The following UNC5C variants were observed in gnomAD, a reference collection of about 807,000 sequenced individuals.
The protein encoded by UNC5C is unc-5 netrin receptor C.
UNC5C carries 47 observed loss-of-function variants against 99.8 expected under a neutral mutation model. The observed-to-expected ratio is 0.47, with a 90% confidence interval of 0.37 to 0.60. The LOEUF (loss-of-function observed/expected upper bound fraction) is 0.60, where lower values mean the gene tolerates loss of function less well. Ranked by LOEUF, UNC5C falls within the 20% of genes least tolerant of loss-of-function variation. The pLI is 0.00. For synonymous variants in UNC5C, 487 were observed against 452.2 expected, an observed-to-expected ratio of 1.08 and a Z score of -0.98; for missense variants, 1,062 against 1,165.9, an observed-to-expected ratio of 0.91 and a Z score of 1.30.
At chr4:95,406,650 C>T (rs1745839308) in intron 1 of UNC5C, among the ~76,000 whole-genome samples, 1 of 152,138 alleles carries the variant, frequency 6.6e-6, no homozygotes, top group African/African-American at 2.4e-5. Context: ...TCCCTTAAGC[C>T]ACTCTACTTC....
At chr4:95,479,119 A>G (rs1721056121) in intron 1 of UNC5C, among the ~76,000 whole-genome samples, 1 of 152,058 alleles carries the variant, frequency 6.6e-6, no homozygotes, top group Non-Finnish European at 1.5e-5. Context: ...TCCTTTATGG[A>G]AAAACAAAGC....
At chr4:95,438,304 A>T (rs1245379518) in intron 1 of UNC5C, among the ~76,000 whole-genome samples, 1 of 152,074 alleles carries the variant, frequency 6.6e-6, no homozygotes, top group Non-Finnish European at 1.5e-5. Flanking sequence ...ATTAAAACAA[A>T]GCTCCCAAAT....
intron 6 of UNC5C, among the ~76,000 whole-genome samples, chr4:95,244,584 T>A (rs1739434437): frequency 6.6e-6 from 1 of 152,160 alleles, no homozygotes; most frequent in Non-Finnish European, 1.5e-5. Flanking sequence ...ATCTAAAACA[T>A]TTTCTAAATT....
At chr4:95,298,209 G>A (rs1741733488) in intron 3 of UNC5C, among the ~76,000 whole-genome samples, 1 of 152,170 alleles carries the variant, frequency 6.6e-6, no homozygotes, top group Middle Eastern at 3.2e-3. Flanking sequence ...CTACCTGGGA[G>A]GCTGGGGTGG....
At chr4:95,391,943 G>C (rs1317062169) in intron 1 of UNC5C, among the ~76,000 whole-genome samples, 2 of 152,080 alleles carry the variant, frequency 1.3e-5, no homozygotes, top group Non-Finnish European at 2.9e-5. Flanking sequence ...TGTCGTCCCA[G>C]CTACTCTGAA....
chr4:95,256,660 T>C (rs1012392184), intron 4 of UNC5C, among the ~76,000 whole-genome samples: 8 of 138,366 alleles, frequency 5.8e-5, no homozygotes, highest in Non-Finnish European at 1.1e-4. Flanking sequence ...GCATACTATA[T>C]GTATGAGTCA....
rs115043848 is a variant in UNC5C at position 95,495,463 on chromosome 4, G to T, written c.124+53271C>A. Among the ~76,000 whole-genome samples, 4 of 151,572 alleles carry T rather than the reference G, an allele frequency of 2.6e-5. No homozygotes were observed. The Admixed American group carries it at 2.6e-4, about 10-fold the overall frequency. On this transcript the variant is annotated intron_variant, in intron 1 of 15. Coordinates refer to ENST00000453304, the MANE Select transcript of UNC5C (RefSeq NM_003728.4). ...TCTGTGGCACTGATGAAACCCCTGAGGATAGCAGATGTTATTTGGAATTGA... is the reference window on the plus strand; with the variant it reads ...TCTGTGGCACTGATGAAACCCCTGATGATAGCAGATGTTATTTGGAATTGA...
Position 95,165,093 on chromosome 4 carries a change from A to G in UNC5C, c.*4141T>C, listed in dbSNP as rs1337988047. On this transcript the variant is annotated 3_prime_UTR_variant, in exon 16 of 16. Coordinates refer to ENST00000453304, the MANE Select transcript of UNC5C (RefSeq NM_003728.4). ...GAGACACACAGAAGGACACGAGACA[A>G]GAGCCTTGTTGCTCTTTGCCAGGAG... 6.6e-6 allele frequency: 1 copy of G among 152,214 alleles called. No homozygotes were observed. The highest frequency in any genetic ancestry group is 2.4e-5 in the African/African-American group (1 of 41,444). The allele number at this position is 152,214 out of a possible 1,614,324, so 9.4% of individuals were successfully genotyped here. A position where few individuals can be genotyped will look rare whatever the true frequency, so the allele number is the denominator to read the frequency against.
At chr4:95,283,479 G>A (rs565729030) in intron 3 of UNC5C, among the ~76,000 whole-genome samples, 7 of 152,296 alleles carry the variant, frequency 4.6e-5, no homozygotes, top group South Asian at 2.1e-4. Context: ...TATCGCGGCC[G>A]TGCAGCACAG....
At chr4:95,179,356 A>AGAAGT (rs1406486757) in intron 14 of UNC5C, among the ~76,000 whole-genome samples, 1 of 152,270 alleles carries the variant, frequency 6.6e-6, no homozygotes, top group Non-Finnish European at 1.5e-5. Flanking sequence ...TTGTGTATAC[A>AGAAGT]GAAGTGCTGT....
rs1324134515 is a variant in UNC5C at position 95,168,044 on chromosome 4, A to G, written c.*1190T>C. 2 of 152,190 alleles carry G rather than the reference A, an allele frequency of 1.3e-5. No individual in the cohort carries two copies. Among genetic ancestry groups the G allele is most frequent in the South Asian group, 4.1e-4 (2 of 4,828 alleles). The allele number at this position is 152,190 out of a possible 1,614,324, so 9.4% of individuals were successfully genotyped here. On this transcript the variant is annotated 3_prime_UTR_variant, in exon 16 of 16. Coordinates refer to ENST00000453304, the MANE Select transcript of UNC5C (RefSeq NM_003728.4). ...ACTGGTTTCTTGATCTCCAGTTTAG[A>G]GTCCATTCCTCCAACCACACTGCCT... is the stretch of plus-strand genomic sequence containing the variant.
At chr4:95,185,335 G>T in intron 12 of UNC5C, 139 bp from the exon 13 acceptor site, 1 of 991,450 alleles carries the variant, frequency 1.0e-6, no homozygotes, top group Non-Finnish European at 1.5e-6. Flanking sequence ...CACTTTTGCA[G>T]CCTCGAGACC....
At chr4:95,192,104 ACTTCCTC>A (rs1737140453) in intron 12 of UNC5C, among the ~76,000 whole-genome samples, 1 of 38,280 alleles carries the variant, frequency 2.6e-5, no homozygotes, top group Non-Finnish European at 5.1e-5. Flanking sequence ...TCCCCTGCTC[ACTTCCTC>A]CCCTCCTCCC....
chr4:95,543,439 G>A (rs1722967457), intron 1 of UNC5C, among the ~76,000 whole-genome samples: 1 of 152,172 alleles, frequency 6.6e-6, no homozygotes, highest in Non-Finnish European at 1.5e-5. Flanking sequence ...TATCTGTGCT[G>A]TTTTAAATTA....
At chr4:95,414,517 G>A (rs1044471019) in intron 1 of UNC5C, among the ~76,000 whole-genome samples, 2 of 152,212 alleles carry the variant, frequency 1.3e-5, no homozygotes, top group African/African-American at 4.8e-5. Context: ...CAAAAGCAGA[G>A]TATAAAGAAA....
At chr4:95,293,524 T>C (rs1237332814) in intron 3 of UNC5C, among the ~76,000 whole-genome samples, 1 of 152,014 alleles carries the variant, frequency 6.6e-6, no homozygotes, top group African/African-American at 2.4e-5. Flanking sequence ...CTTGCTATGT[T>C]GCCCAGGCTG....
At position 95,424,518 on chromosome 4, in the gene UNC5C, C is replaced by CTTTTTTTTTTTTTTTTTTTTTTTTTTT. The variant is rs536039867; in HGVS notation, c.125-88888_125-88887insAAAAAAAAAAAAAAAAAAAAAAAAAAA. 1.8e-4 allele frequency among the ~76,000 whole-genome samples: 12 copies of CTTTTTTTTTTTTTTTTTTTTTTTTTTT among 67,960 alleles called. 2 individuals carry two copies. Among genetic ancestry groups the CTTTTTTTTTTTTTTTTTTTTTTTTTTT allele is most frequent in the Admixed American group, 3.7e-4 (2 of 5,462 alleles). The allele number at this position is 67,960 out of a possible 152,430, so 44.6% of individuals were successfully genotyped here. A position where few individuals can be genotyped will look rare whatever the true frequency, so the allele number is the denominator to read the frequency against. ...GGCTTCAGAATTTTTTTTTTCTTTT[C>CTTTTTTTTTTTTTTTTTTTTTTTTTTT]TTTTTTTTTTTTTTTTTTTTTGAGA... is the stretch of plus-strand genomic sequence containing the variant. On this transcript the variant is annotated intron_variant, in intron 1 of 15. Coordinates refer to ENST00000453304, the MANE Select transcript of UNC5C (RefSeq NM_003728.4).
chr4:95,292,820 CA>C (rs753195333), intron 3 of UNC5C, among the ~76,000 whole-genome samples: 35 of 152,250 alleles, frequency 2.3e-4, no homozygotes, highest in South Asian at 6.2e-4. Context: ...AATTTTATTT[CA>C]TTTTTTTATG....
chr4:95,226,023 C>T (rs537237656), intron 7 of UNC5C, among the ~76,000 whole-genome samples: 9 of 152,324 alleles, frequency 5.9e-5, no homozygotes, highest in African/African-American at 1.7e-4. Context: ...CACGGAACAA[C>T]AGGGAACATT....
Sources: gnomAD v4.1 joint callset for allele counts (sites outside exome capture counted in the v4.1 genomes callset) on GRCh38, gnomAD v4.1.1 for gene constraint, MANE v1.5 for transcripts, NCBI Gene and HGNC (gene_info 2026-07-23, HGNC 2026-07-21) for gene names.